Variants in CCDC170 observed in about 807,000 individuals in gnomAD.
The protein encoded by CCDC170 is coiled-coil domain containing 170, also known as coiled-coil domain-containing protein 170.
CCDC170 carries 69 observed loss-of-function variants against 72.6 expected under a neutral mutation model. The ratio of observed to expected loss-of-function variants is 0.95; its 90% CI spans 0.78 to 1.16. CCDC170 has a LOEUF of 1.16. CCDC170 is among the 50% of genes most tolerant of loss of function. The probability of loss-of-function intolerance (pLI) is 0.00; values close to 1 mark genes in which losing one functional copy is unlikely to be tolerated. For synonymous variants in CCDC170, 300 were observed against 303.9 expected, an observed-to-expected ratio of 0.99 and a Z score of 0.13; for missense variants, 852 against 832.5, an observed-to-expected ratio of 1.02 and a Z score of -0.29.
rs1782501647 is a variant in CCDC170 at position 151,532,342 on chromosome 6, C to T, written c.58-3976C>T. On this transcript the variant is annotated intron_variant, in intron 1 of 10. Coordinates refer to ENST00000239374, the MANE Select transcript of CCDC170 (RefSeq NM_025059.4). Reference sequence around the variant, plus strand: ...GACTTCTTGGCTGGGCACAGTGGCTCATGCCTGTAATCACAGCACTTTGGG... The same window carrying T: ...GACTTCTTGGCTGGGCACAGTGGCTTATGCCTGTAATCACAGCACTTTGGG... Among the ~76,000 whole-genome samples the T allele has an allele frequency of 3.3e-5, 5 of 152,242 alleles. No homozygotes were observed. The South Asian group carries it at 1.0e-3, about 32-fold the overall frequency.
rs1313995474 is a variant in CCDC170 at position 151,607,666 on chromosome 6, C to G, written c.1711-7777C>G. On this transcript the variant is annotated intron_variant, in intron 9 of 10. Coordinates refer to ENST00000239374, the MANE Select transcript of CCDC170 (RefSeq NM_025059.4). ...CCCTTTTAGCACTTTGAATCCCATT[C>G]TCTCCTAACCTGTAAGGTTTCTCTT... Among the ~76,000 whole-genome samples the G allele has an allele frequency of 2.6e-5, 4 of 151,704 alleles. No individual in the cohort carries two copies. In the East Asian group the frequency reaches 7.7e-4, roughly 29 times the overall value.
intron 9 of CCDC170, among the ~76,000 whole-genome samples, chr6:151,610,087 A>G (rs1776846752): frequency 6.6e-6 from 1 of 152,202 alleles, no homozygotes; most frequent in Non-Finnish European, 1.5e-5. Context: ...CATTTGCCAC[A>G]TATTTTCTTT....
intron 1 of CCDC170, among the ~76,000 whole-genome samples, chr6:151,499,330 A>G (rs891753893): frequency 1.5e-5 from 2 of 132,964 alleles, no homozygotes; most frequent in Admixed American, 7.3e-5. Flanking sequence ...GGCACACTGT[A>G]TAAGTGGAAT....
intron 9 of CCDC170, among the ~76,000 whole-genome samples, chr6:151,612,100 AT>A (rs1776882406): frequency 1.3e-5 from 2 of 152,074 alleles, no homozygotes; most frequent in Admixed American, 1.3e-4. Flanking sequence ...AATAAATCTG[AT>A]TTTTTCCATC....
chr6:151,573,012 T>G (rs978574847), intron 5 of CCDC170, among the ~76,000 whole-genome samples, 162 bp from the exon 6 acceptor site: 6 of 152,266 alleles, frequency 3.9e-5, no homozygotes, highest in Admixed American at 2.0e-4. Context: ...TTAATAACTT[T>G]ATGAGGAGAC....
rs556543582 is a variant in CCDC170, at chr6:151,548,334, G to C, written c.619G>C (p.Val207Leu). The change falls in exon 5 of 11, where the codon GTG becomes CTG. Residue 207 changes from valine to leucine, a missense_variant. Coordinates refer to ENST00000239374, the MANE Select transcript of CCDC170 (RefSeq NM_025059.4). ...AGACCTGCGCAAAGAAAATGAATTC[G>C]TGAAAGGACAAATTGTTATTCTTGA... Reference protein sequence around the residue: ...LRDLRKENEFVKGQIVILEET... With the variant: ...LRDLRKENEFLKGQIVILEET... The C allele has an allele frequency of 1.3e-6, 2 of 1,594,584 alleles. No individual in the cohort carries two copies.
At chr6:151,593,318 A>T (rs1562293901) in intron 8 of CCDC170, 38 bp downstream of exon 8, 1 of 1,590,076 alleles carries the variant, frequency 6.3e-7, no homozygotes, top group Non-Finnish European at 8.6e-7. Context: ...TGAGAGAAGA[A>T]ATTTCTGAAA....
intron 1 of CCDC170, among the ~76,000 whole-genome samples, chr6:151,520,792 A>G (rs1782304045): frequency 6.6e-6 from 1 of 152,122 alleles, no homozygotes; most frequent in Non-Finnish European, 1.5e-5. Context: ...CAAGAGGACA[A>G]TTTCAACTTC....
At chr6:151,512,646 TTCC>T (rs1364112029) in intron 1 of CCDC170, among the ~76,000 whole-genome samples, 2 of 151,888 alleles carry the variant, frequency 1.3e-5, no homozygotes, top group African/African-American at 2.4e-5. Flanking sequence ...TAAGCCCGAG[TTCC>T]TCCTCCTTTC....
intron 2 of CCDC170, among the ~76,000 whole-genome samples, chr6:151,537,758 A>G (rs1782613183): frequency 6.6e-6 from 1 of 152,234 alleles, no homozygotes; most frequent in Non-Finnish European, 1.5e-5. Flanking sequence ...GGACCATTGC[A>G]AAATATTTTA....
At chr6:151,563,223 C>A (rs1776070909) in intron 5 of CCDC170, among the ~76,000 whole-genome samples, 4 of 152,230 alleles carry the variant, frequency 2.6e-5, no homozygotes, top group Middle Eastern at 3.4e-3. Context: ...CTGTGAAGAG[C>A]ACAAAAAAAT....
chr6:151,589,635 AC>A (rs58618521), intron 7 of CCDC170, among the ~76,000 whole-genome samples: 35,956 of 151,974 alleles, frequency 0.24, 5,339 homozygotes, highest in African/African-American at 0.42. Flanking sequence ...TAGGGAAACA[AC>A]CTACTAACTG....
intron 5 of CCDC170, among the ~76,000 whole-genome samples, chr6:151,550,958 A>G (rs1436740472): frequency 6.6e-6 from 1 of 152,192 alleles, no homozygotes; most frequent in African/African-American, 2.4e-5. Flanking sequence ...GGGAAGATAC[A>G]AATCAGTCCA....
intron 9 of CCDC170, among the ~76,000 whole-genome samples, chr6:151,609,262 A>G (rs1388595040): frequency 6.6e-6 from 1 of 152,164 alleles, no homozygotes; most frequent in African/African-American, 2.4e-5. Flanking sequence ...AAAGAGGGAC[A>G]CAGCATCTAT....
Position 151,606,764 on chromosome 6 carries a change from T to C in CCDC170, c.1711-8679T>C, listed in dbSNP as rs553602678. 2.0e-5 allele frequency among the ~76,000 whole-genome samples: 3 copies of C among 152,364 alleles called. No homozygotes were observed. In the South Asian group the frequency reaches 6.2e-4, roughly 32 times the overall value. On this transcript the variant is annotated intron_variant, in intron 9 of 10. Transcript: ENST00000239374. ...TTATAATGGAATTTATCTCTCTTGT[T>C]ATCTCTAACAATATTTGCTTTATGT...
chr6:151,591,231 A>G (rs1257263646), intron 7 of CCDC170, among the ~76,000 whole-genome samples: 2 of 152,198 alleles, frequency 1.3e-5, no homozygotes, highest in African/African-American at 4.8e-5. Flanking sequence ...CCAGATGGAT[A>G]AGTTATTGCA....
chr6:151,589,338 A>T (rs1422988945), intron 7 of CCDC170, among the ~76,000 whole-genome samples: 1 of 152,156 alleles, frequency 6.6e-6, no homozygotes, highest in Non-Finnish European at 1.5e-5. Flanking sequence ...TGGTAATGTA[A>T]ATTGGAAGCC....
At chr6:151,592,170 C>T (rs1776549761) in intron 7 of CCDC170, among the ~76,000 whole-genome samples, 2 of 151,872 alleles carry the variant, frequency 1.3e-5, no homozygotes, top group Non-Finnish European at 2.9e-5. Context: ...CCAGCCTGGC[C>T]AATATGGTGA....
At chr6:151,589,202 C>A (rs1025320141) in intron 7 of CCDC170, among the ~76,000 whole-genome samples, 2 of 152,082 alleles carry the variant, frequency 1.3e-5, no homozygotes, top group Non-Finnish European at 2.9e-5. Flanking sequence ...TTGCAGTGAG[C>A]CAAGATTGCG....
Sources: allele counts gnomAD v4.1 joint callset (sites outside exome capture counted in the v4.1 genomes callset), GRCh38; gene constraint gnomAD v4.1.1; transcripts MANE v1.5; gene names NCBI Gene and HGNC (gene_info 2026-07-23, HGNC 2026-07-21).